The following MRTFA variants were observed in gnomAD, a reference collection of about 807,000 sequenced individuals.
The protein encoded by MRTFA is myocardin related transcription factor A, also known as myocardin-related transcription factor A.
MRTFA carries 20 observed loss-of-function variants against 83.5 expected under a neutral mutation model. That is an observed-to-expected ratio of 0.24 (90% CI 0.17 to 0.35). The LOEUF (loss-of-function observed/expected upper bound fraction) is 0.35, where lower values mean the gene tolerates loss of function less well. Among genes scored for constraint, MRTFA ranks in the 10% least tolerant of loss-of-function variants. MRTFA has a pLI of 1.00. For missense variants in MRTFA, 1,200 were observed against 1,224.7 expected (o/e 0.98, Z 0.30); for synonymous variants, 659 against 541.2 (o/e 1.22, Z -3.02).
At position 40,490,758 on chromosome 22, in the gene MRTFA, A is replaced by C. The variant is rs202225588; in HGVS notation, c.242-27472T>G. Among the ~76,000 whole-genome samples the C allele has an allele frequency of 2.0e-5, 3 of 152,336 alleles. No homozygotes were observed. In the East Asian group the frequency reaches 5.8e-4, roughly 29 times the overall value. ...TATTAAAATCCCAAAGAAATCTGGA[A>C]AACTCAAAAGAAATGTCTAAGTGTT... On this transcript the variant is annotated intron_variant, in intron 3 of 14. Transcript: ENST00000355630.
chr22:40,560,410 A>G (rs2055596078), intron 2 of MRTFA, among the ~76,000 whole-genome samples: 1 of 152,186 alleles, frequency 6.6e-6, no homozygotes, highest in African/African-American at 2.4e-5. Context: ...AAATATACAC[A>G]TTGGATTTAT....
At chr22:40,420,699 T>G (rs1569253989) in intron 10 of MRTFA, 123 bp from the exon 11 acceptor site, 1 of 1,533,636 alleles carries the variant, frequency 6.5e-7, no homozygotes, top group East Asian at 2.3e-5. Context: ...CAGCAAAGGC[T>G]AGGGTGGCCC....
At chr22:40,422,475 A>ACC (rs2052862004) in intron 9 of MRTFA, among the ~76,000 whole-genome samples, 1 of 152,210 alleles carries the variant, frequency 6.6e-6, no homozygotes, top group Admixed American at 6.5e-5. Flanking sequence ...TGAGAAGAGA[A>ACC]TGCAGGTGCA....
At chr22:40,412,598 G>C (rs1021337752) in intron 14 of MRTFA, 1 of 152,206 alleles carries the variant, frequency 6.6e-6, no homozygotes, top group Non-Finnish European at 1.5e-5. Context: ...TGAAGGAAGT[G>C]ATACTATGCT....
intron 3 of MRTFA, among the ~76,000 whole-genome samples, chr22:40,498,703 C>T (rs1189325582): frequency 1.3e-5 from 2 of 152,096 alleles, no homozygotes; most frequent in Non-Finnish European, 2.9e-5. Context: ...AACCAGATGT[C>T]TTTTTGTATG....
Position 40,448,863 on chromosome 22 carries a change from T to C in MRTFA, c.308-13309A>G, listed in dbSNP as rs1284322956. Among the ~76,000 whole-genome samples the C allele has an allele frequency of 3.3e-5, 5 of 152,216 alleles. No homozygotes were observed. In the East Asian group the frequency reaches 7.7e-4, roughly 23 times the overall value. ...TGACCAGCGATATGGTACAAAGCTA[T>C]GAGAGAGGCAGGCAAGCCAGGCTTT... On this transcript the variant is annotated intron_variant, in intron 4 of 14. Coordinates refer to ENST00000355630, the MANE Select transcript of MRTFA (RefSeq NM_020831.6).
intron 2 of MRTFA, among the ~76,000 whole-genome samples, chr22:40,558,748 T>C (rs1012374939): frequency 6.6e-6 from 1 of 150,528 alleles, no homozygotes; most frequent in African/African-American, 2.4e-5. Context: ...AAAGAGAAAA[T>C]AAAGTTCTTG....
At chr22:40,485,291 G>C (rs2054156983) in intron 3 of MRTFA, among the ~76,000 whole-genome samples, 1 of 152,144 alleles carries the variant, frequency 6.6e-6, no homozygotes, top group Non-Finnish European at 1.5e-5. Context: ...CTCACTAGTA[G>C]TTTCAGAAAA....
chr22:40,418,525 G>A lies in MRTFA; in HGVS notation c.2213C>T (p.Pro738Leu), dbSNP rs923543379. The change falls in exon 12 of 15, where the codon CCC (proline) becomes CTC (leucine). Residue 738 changes from proline (P) to leucine (L), a missense_variant. By Grantham distance (98) the Pro-to-Leu change is moderately conservative. This residue lies in a region of MRTFA where 1,107 missense variants were observed against 1,041.8 expected (regional missense o/e 1.06). Transcript: ENST00000355630. ...GCCCTGAGGCCCCAGAAGCAACTGG[G>A]GGGCGGGGACCGGCTCGGGCTCAGG... 6.3e-7 allele frequency: 1 copy of A among 1,590,612 alleles called. No homozygotes were observed. The highest frequency in any genetic ancestry group is 1.9e-5 in the Admixed American group (1 of 52,246).
intron 4 of MRTFA, among the ~76,000 whole-genome samples, chr22:40,457,222 G>C (rs889099714): frequency 1.3e-5 from 2 of 151,886 alleles, no homozygotes; most frequent in African/African-American, 4.8e-5. Context: ...AAAATTAGCT[G>C]GGCGTGGTGG....
intron 3 of MRTFA, among the ~76,000 whole-genome samples, chr22:40,543,047 TA>T (rs1364648079): frequency 6.6e-6 from 1 of 152,174 alleles, no homozygotes; most frequent in Non-Finnish European, 1.5e-5. Context: ...TGATTATCTC[TA>T]AGTACTGGAA....
intron 3 of MRTFA, among the ~76,000 whole-genome samples, chr22:40,529,503 G>A (rs756576786): frequency 5.7e-4 from 87 of 152,088 alleles, no homozygotes; most frequent in Non-Finnish European, 4.9e-4. Flanking sequence ...TTTTAGTAGA[G>A]ATGGGGTTTC....
intron 3 of MRTFA, among the ~76,000 whole-genome samples, chr22:40,535,753 T>C (rs2075283682): frequency 1.3e-5 from 2 of 152,156 alleles, no homozygotes; most frequent in Non-Finnish European, 2.9e-5. Context: ...ACTTTAAGAT[T>C]CCTGCACAGA....
In MRTFA at chr22:40,410,408, C is replaced by T. The variant is rs3210512; in HGVS notation, c.*982G>A. On this transcript the variant is annotated 3_prime_UTR_variant, in exon 15 of 15. Transcript: ENST00000355630. ...TCAGCCCAGAATGTGAAGCCAGTGG[C>T]CCCAGGGCAGGAGATGGCCACCCCT... 8.4e-6 allele frequency: 2 copies of T among 236,706 alleles called. No individual in the cohort carries two copies. The highest frequency in any genetic ancestry group is 1.7e-5 in the Non-Finnish European group (2 of 121,056). 14.7% of individuals were successfully genotyped at this position (236,706 alleles called of 1,614,324 possible). A position where few individuals can be genotyped will look rare whatever the true frequency, so the allele number is the denominator to read the frequency against.
At chr22:40,581,368 G>A (rs566486253) in intron 2 of MRTFA, among the ~76,000 whole-genome samples, 4 of 152,102 alleles carry the variant, frequency 2.6e-5, no homozygotes, top group African/African-American at 9.6e-5. Context: ...TGTATATTTT[G>A]TACTGCTGGT....
chr22:40,457,703 C>G (rs747116201), intron 4 of MRTFA, among the ~76,000 whole-genome samples: 3 of 152,104 alleles, frequency 2.0e-5, no homozygotes, highest in African/African-American at 7.2e-5. Context: ...TATTTCCTCA[C>G]GTGTTATTCA....
chr22:40,504,117 A>C (rs575404128), intron 3 of MRTFA, among the ~76,000 whole-genome samples: 1 of 152,318 alleles, frequency 6.6e-6, no homozygotes, highest in African/African-American at 2.4e-5. Flanking sequence ...TAAGAAAACA[A>C]ATATTTTATA....
At chr22:40,414,397 C>G (rs533291079) in intron 14 of MRTFA, among the ~76,000 whole-genome samples, 3 of 152,210 alleles carry the variant, frequency 2.0e-5, no homozygotes, top group Non-Finnish European at 2.9e-5. Flanking sequence ...AGGTTTATGC[C>G]CAGAACTGAA....
intron 3 of MRTFA, among the ~76,000 whole-genome samples, chr22:40,481,942 C>T (rs1490510895): frequency 1.3e-5 from 2 of 151,944 alleles, no homozygotes; most frequent in Non-Finnish European, 2.9e-5. Flanking sequence ...CACCTGTAGT[C>T]CCAGCTACTC....
Sources: gnomAD v4.1 joint callset for allele counts (sites outside exome capture counted in the v4.1 genomes callset) on GRCh38, gnomAD v4.1.1 for gene constraint, gnomAD v4.1.1 regional missense constraint, MANE v1.5 for transcripts, NCBI Gene and HGNC (gene_info 2026-07-23, HGNC 2026-07-21) for gene names.